The following AGO1 variants were observed in gnomAD, a reference collection of about 807,000 sequenced individuals.
The protein encoded by AGO1 is argonaute RISC component 1, also known as protein argonaute-1.
AGO1 carries 11 observed loss-of-function variants against 109.2 expected under a neutral mutation model. The ratio of observed to expected loss-of-function variants is 0.10; its 90% confidence interval spans 0.06 to 0.17. AGO1 has a LOEUF of 0.17. Among genes scored for constraint, AGO1 ranks in the 10% least tolerant of loss-of-function variants. The probability of loss-of-function intolerance (pLI) is 1.00; values close to 1 mark genes in which losing one functional copy is unlikely to be tolerated. For missense variants in AGO1, 574 were observed against 1,140.3 expected (o/e 0.50, Z 7.15); for synonymous variants, 422 against 418.6 (o/e 1.01, Z -0.10).
In AGO1 at chr1:35,888,796, T is replaced by C. The variant is rs566968878; in HGVS notation, c.209+186T>C. ...TTGGACTTCGCTATTGGAAGATTAT[T>C]AGTGGCTTTTGCCAGAGCAATTTCA... On this transcript the variant is annotated intron_variant, in intron 2 of 18. Transcript: ENST00000373204. The surrounding 1 kb of genome is among the most constrained non-coding windows in gnomAD (Gnocchi z 4.1). Among the ~76,000 whole-genome samples, 8 of 152,356 alleles carry C rather than the reference T, an allele frequency of 5.3e-5. 1 individual carries two copies. Among genetic ancestry groups the C allele is most frequent in the Admixed American group, 5.2e-4 (8 of 15,302 alleles).
chr1:35,908,023 G>A (rs555177790), intron 12 of AGO1, among the ~76,000 whole-genome samples: 1 of 152,290 alleles, frequency 6.6e-6, no homozygotes, highest in East Asian at 1.9e-4. Flanking sequence ...GGGAGTCTGA[G>A]GCTAAAGGAT....
intron 1 of AGO1, among the ~76,000 whole-genome samples, chr1:35,870,432 C>T (rs941413747): frequency 1.3e-5 from 2 of 151,954 alleles, no homozygotes; most frequent in African/African-American, 2.4e-5. Flanking sequence ...TATAGGCGCC[C>T]GCCACCACGC....
chr1:35,883,881 G>T lies in AGO1; in HGVS notation c.25+435G>T, dbSNP rs1313923136. ...AGGCTAATGTCTCTTGGGAGAAGGC[G>T]CCAGAGCTGGACTGTGAGCTCCGCC... On this transcript the variant is annotated intron_variant, in intron 1 of 18. Coordinates refer to ENST00000373204, the MANE Select transcript of AGO1 (RefSeq NM_012199.5). This position sits in a 1 kb window ranked among gnomAD's most constrained non-coding sequence, Gnocchi z 5.4. 6.6e-6 allele frequency among the ~76,000 whole-genome samples: 1 copy of T among 152,244 alleles called. No homozygotes were observed. The highest frequency in any genetic ancestry group is 1.5e-5 in the Non-Finnish European group (1 of 68,040).
chr1:35,906,435 A>G (rs1196299476), intron 11 of AGO1, among the ~76,000 whole-genome samples: 1 of 152,084 alleles, frequency 6.6e-6, no homozygotes, highest in African/African-American at 2.4e-5. Flanking sequence ...ACCATCGAAC[A>G]CTTAGCAAGT....
chr1:35,884,264 A>G (rs1645083369), intron 1 of AGO1, among the ~76,000 whole-genome samples: 1 of 152,162 alleles, frequency 6.6e-6, no homozygotes, highest in Non-Finnish European at 1.5e-5. Context: ...AAGCTGCCAA[A>G]GTGCATTTTT....
At chr1:35,891,156 T>G (rs1415764071) in intron 2 of AGO1, among the ~76,000 whole-genome samples, 3 of 152,182 alleles carry the variant, frequency 2.0e-5, no homozygotes. Context: ...TGAAAAAGAT[T>G]GCTAGGCAGC....
intron 1 of AGO1, among the ~76,000 whole-genome samples, chr1:35,871,826 T>G (rs1644953583): frequency 6.6e-6 from 1 of 152,086 alleles, no homozygotes; most frequent in Non-Finnish European, 1.5e-5. Context: ...TCCCAGCACT[T>G]TGGGAGGCTG....
intron 2 of AGO1, among the ~76,000 whole-genome samples, chr1:35,891,241 G>T (rs653417): frequency 0.23 from 35,549 of 152,144 alleles, 6,842 homozygotes; most frequent in East Asian, 0.69. Flanking sequence ...TCCAGTAGTA[G>T]TCAAGAACTT....
chr1:35,889,491 C>T (rs933747596), intron 2 of AGO1, among the ~76,000 whole-genome samples: 7 of 151,834 alleles, frequency 4.6e-5, no homozygotes, highest in African/African-American at 7.3e-5. Flanking sequence ...GGATTACAGG[C>T]GTGAGCCACC....
chr1:35,873,487 G>C (rs757799772), intron 1 of AGO1: 1 of 152,544 alleles, frequency 6.6e-6, no homozygotes, highest in Non-Finnish European at 1.5e-5. Context: ...TCCCTCAGTT[G>C]TTTTGTTTCA....
intron 11 of AGO1, among the ~76,000 whole-genome samples, chr1:35,905,550 C>T (rs936849133): frequency 1.3e-5 from 2 of 152,098 alleles, no homozygotes; most frequent in African/African-American, 4.8e-5. Context: ...TCACTGCAGC[C>T]TCTGCCTCCT....
intron 12 of AGO1, among the ~76,000 whole-genome samples, chr1:35,913,127 C>T (rs1645669507): frequency 6.6e-6 from 1 of 151,992 alleles, no homozygotes; most frequent in South Asian, 2.1e-4. Context: ...TCACGCCATT[C>T]TCCTGCCTCA....
chr1:35,905,290 A>C (rs1224681404), intron 11 of AGO1, among the ~76,000 whole-genome samples: 1 of 152,212 alleles, frequency 6.6e-6, no homozygotes, highest in Non-Finnish European at 1.5e-5. Context: ...CCTAGCTGTT[A>C]TTTACATGAA....
chr1:35,893,920 C>T lies in AGO1; in HGVS notation c.649+110C>T, dbSNP rs1645268867. The T allele has an allele frequency of 2.6e-6, 4 of 1,528,360 alleles. No homozygotes were observed. In the South Asian group the frequency reaches 3.8e-5, roughly 14 times the overall value. The allele number at this position is 1,528,360 out of a possible 1,614,324, so 94.7% of individuals were successfully genotyped here. ...CACTCCTAGTCTAATTCCTACAGCC[C>T]TGGCACCCCCTTCCCCCATCCCAAT... On this transcript the variant is annotated intron_variant, in intron 5 of 18. Transcript: ENST00000373204. The surrounding 1 kb of genome is among the most constrained non-coding windows in gnomAD (Gnocchi z 5.6).
chr1:35,891,245 A>G (rs1269103359), intron 2 of AGO1, among the ~76,000 whole-genome samples: 2 of 152,244 alleles, frequency 1.3e-5, no homozygotes, highest in East Asian at 1.9e-4. Context: ...GTAGTAGTCA[A>G]GAACTTTGAT....
chr1:35,886,758 TTGTG>T (rs1315525597), intron 1 of AGO1, among the ~76,000 whole-genome samples: 2 of 152,196 alleles, frequency 1.3e-5, no homozygotes, highest in African/African-American at 4.8e-5. Flanking sequence ...CTGTGTGTGC[TTGTG>T]TGTTTTTGTG....
chr1:35,893,930 C>T lies in AGO1; in HGVS notation c.650-107C>T. On this transcript the variant is annotated intron_variant, in intron 5 of 18. Coordinates refer to ENST00000373204, the MANE Select transcript of AGO1 (RefSeq NM_012199.5). This position sits in a 1 kb window ranked among gnomAD's most constrained non-coding sequence, Gnocchi z 5.6. ...CTAATTCCTACAGCCCTGGCACCCC[C>T]TTCCCCCATCCCAATGCCCTTTAAG... is the stretch of plus-strand genomic sequence containing the variant. 1.3e-6 allele frequency: 2 copies of T among 1,526,454 alleles called. No homozygotes were observed. The highest frequency in any genetic ancestry group is 1.8e-6 in the Non-Finnish European group (2 of 1,132,870). 94.6% of individuals were successfully genotyped at this position (1,526,454 alleles called of 1,614,324 possible). A position where few individuals can be genotyped will look rare whatever the true frequency, so the allele number is the denominator to read the frequency against.
At chr1:35,891,066 C>T (rs1192939578) in intron 2 of AGO1, among the ~76,000 whole-genome samples, 5 of 152,074 alleles carry the variant, frequency 3.3e-5, no homozygotes, top group African/African-American at 4.8e-5. Flanking sequence ...GAGACAAGTA[C>T]GGGGTCTGGA....
At chr1:35,906,847 T>C (rs191832813) in intron 11 of AGO1, 88 bp from the exon 12 acceptor site, 24 of 1,125,138 alleles carry the variant, frequency 2.1e-5, no homozygotes, top group South Asian at 4.6e-5. Flanking sequence ...GTGCCTCTTA[T>C]AGTGCTAAGC....
Sources: gnomAD v4.1 joint callset for allele counts (sites outside exome capture counted in the v4.1 genomes callset) on GRCh38, gnomAD v4.1.1 for gene constraint, Gnocchi (gnomAD v3.1) non-coding constraint, MANE v1.5 for transcripts, NCBI Gene and HGNC (gene_info 2026-07-23, HGNC 2026-07-21) for gene names.